Variants in GRIN1 observed in about 807,000 individuals in gnomAD.
GRIN1 encodes the protein glutamate receptor ionotropic, NMDA 1.
Under a neutral mutation model 103.0 loss-of-function variants are expected in GRIN1, and 38 were observed. The ratio of observed to expected loss-of-function variants is 0.37; its 90% confidence interval spans 0.28 to 0.48. The LOEUF (loss-of-function observed/expected upper bound fraction) is 0.48. Among genes scored for constraint, GRIN1 ranks in the 20% least tolerant of loss-of-function variants. The pLI, the probability that GRIN1 is intolerant of heterozygous loss-of-function variation, is 0.98. For synonymous variants in GRIN1, 544 were observed against 532.7 expected (o/e 1.02, Z -0.29); for missense variants, 577 against 1,288.9 (o/e 0.45, Z 8.46).
rs1057522916 is a variant in GRIN1, at chr9:137,149,068, G to A, written c.630G>A (p.Glu210=). The change falls in exon 4 of 20, where the codon GAG becomes GAA. Residue 210 remains glutamate (E), a synonymous_variant. Coordinates refer to ENST00000371561, the MANE Select transcript of GRIN1 (RefSeq NM_007327.4). ...AGAACGTGACGGCCCTGCTGATGGA[G>A]GCGAAAGAGCTGGAGGCCCGGGTCA... ...GTKNVTALLM[E]AKELEARVII... The A allele has an allele frequency of 8.1e-6, 13 of 1,613,454 alleles. No homozygotes were observed. The highest frequency in any genetic ancestry group is 1.1e-5 in the Non-Finnish European group (13 of 1,179,706).
At chr9:137,160,530 C>A (rs959347203) in intron 8 of GRIN1, among the ~76,000 whole-genome samples, 1 of 152,078 alleles carries the variant, frequency 6.6e-6, no homozygotes, top group African/African-American at 2.4e-5. Context: ...CCCGGGTTCA[C>A]GCCATTCTCC....
chr9:137,151,325 C>T, intron 4 of GRIN1, among the ~76,000 whole-genome samples: 1 of 145,126 alleles, frequency 6.9e-6, no homozygotes, highest in South Asian at 2.2e-4. Flanking sequence ...AAGCTCCGCC[C>T]AGGGAAAGCT....
At chr9:137,156,825 G>C (rs1833255201) in intron 5 of GRIN1, 35 bp downstream of exon 5, 1 of 1,605,342 alleles carries the variant, frequency 6.2e-7, no homozygotes, top group Admixed American at 1.7e-5. Context: ...CCCCGAACGG[G>C]GAGGACCCCA....
chr9:137,143,753 G>A (rs1054893681), intron 2 of GRIN1, among the ~76,000 whole-genome samples: 62 of 152,334 alleles, frequency 4.1e-4, no homozygotes, highest in African/African-American at 1.4e-3. Context: ...TGCACCCCAA[G>A]GCACTGCCCC....
In GRIN1 at chr9:137,160,024, T is replaced by C. The variant is rs938268117; in HGVS notation, c.1198-1032T>C. Among the ~76,000 whole-genome samples the C allele has an allele frequency of 3.3e-5, 5 of 152,334 alleles. No homozygotes were observed. In the East Asian group the frequency reaches 9.6e-4, roughly 29 times the overall value. On this transcript the variant is annotated intron_variant, in intron 8 of 19. Transcript: ENST00000371561. ...CCCTCACAGTTCTGGCAGTGTGCTA[T>C]GCTCTATTCCAGCCCCCTGTGCCCC...
chr9:137,165,328 G>A lies in GRIN1; in HGVS notation c.2700+32G>A, dbSNP rs370649549. ...GGGAGAGCACCCCAGTCCCGCGTCC[G>A]ACTCCACCTGCCCTGCCCTGCGTGT... On this transcript the variant is annotated intron_variant, in intron 19 of 19. Transcript: ENST00000371561. 4.0e-5 allele frequency: 52 copies of A among 1,306,180 alleles called. 2 individuals carry two copies. Among genetic ancestry groups the A allele is most frequent in the East Asian group, 4.6e-5 (2 of 43,532 alleles). The allele number at this position is 1,306,180 out of a possible 1,614,324, so 80.9% of individuals were successfully genotyped here.
intron 19 of GRIN1, among the ~76,000 whole-genome samples, chr9:137,167,056 C>G (rs1474706538): frequency 1.3e-5 from 2 of 152,174 alleles, no homozygotes; most frequent in Non-Finnish European, 2.9e-5. Context: ...CCAGCGGAAC[C>G]CTCACCCGAG....
In GRIN1 at chr9:137,150,866, G is replaced by A. The variant is rs557592294; in HGVS notation, c.671+1757G>A. On this transcript the variant is annotated intron_variant, in intron 4 of 19. Transcript: ENST00000371561. ...TCTGGCCAGATAAAAGCTCAGCCCA[G>A]GGAAAGCCCCGCCCATAAAAAAGCC... 7.1e-5 allele frequency among the ~76,000 whole-genome samples: 9 copies of A among 126,600 alleles called. No individual in the cohort carries two copies. In the South Asian group the frequency reaches 2.5e-3, roughly 35 times the overall value. The allele number at this position is 126,600 out of a possible 152,430, so 83.1% of individuals were successfully genotyped here.
In GRIN1 at chr9:137,156,676, G is replaced by A. The variant is rs869312865; in HGVS notation, c.679G>A (p.Asp227Asn). 6.2e-7 allele frequency: 1 copy of A among 1,600,506 alleles called. No individual in the cohort carries two copies. The highest frequency in any genetic ancestry group is 8.5e-7 in the Non-Finnish European group (1 of 1,174,946). ...RVIILSASED[D>N]AATVYRAAAM... ...TCCCCGTCTGCCCCACAGCGAGGAC[G>A]ATGCTGCCACTGTATACCGCGCAGC... The change falls in exon 5 of 20, where the codon GAT becomes AAT. Residue 227 changes from aspartate to asparagine, a missense_variant. Asp to Asn is a conservative substitution (Grantham distance 23). Around this residue, in one of 9 missense-constraint regions of GRIN1, gnomAD observed 308 missense variants for 553.6 expected, o/e 0.56. Coordinates refer to ENST00000371561, the MANE Select transcript of GRIN1 (RefSeq NM_007327.4).
chr9:137,156,781 G>T lies in GRIN1; in HGVS notation c.784G>T (p.Ala262Ser). 1 of 1,592,140 alleles carries T rather than the reference G, an allele frequency of 6.3e-7. No homozygotes were observed. Among genetic ancestry groups the T allele is most frequent in the Non-Finnish European group, 8.5e-7 (1 of 1,170,426 alleles). ...REISGNALRY[A>S]PDGILGLQLI... ...GATCTCGGGGAACGCCCTGCGCTAC[G>T]CCCCAGACGGTGAGTGCTGGGCCTT... The change falls in exon 5 of 20, where the codon GCC becomes TCC. Residue 262 changes from alanine (A) to serine (S), a missense_variant. Around this residue, in one of 9 missense-constraint regions of GRIN1, gnomAD observed 308 missense variants for 553.6 expected, o/e 0.56. Coordinates refer to ENST00000371561, the MANE Select transcript of GRIN1 (RefSeq NM_007327.4).
rs745950020 is a variant in GRIN1 at position 137,142,047 on chromosome 9, C to T, written c.293C>T (p.Pro98Leu). 6.2e-7 allele frequency: 1 copy of T among 1,614,168 alleles called. No homozygotes were observed. The highest frequency in any genetic ancestry group is 1.7e-5 in the Admixed American group (1 of 60,026). Residue 98 changes from proline to leucine, a missense_variant, in exon 2 of 20, where the codon CCC becomes CTC. Transcript: ENST00000371561. ...ATCCTAGTTAGCCATCCACCTACCC[C>T]CAACGACCACTTCACTCCCACCCCT... ...YAILVSHPPT[P>L]NDHFTPTPVS... is the part of the protein sequence containing the mutation.
At position 137,146,997 on chromosome 9, in the gene GRIN1, C is replaced by A. The variant is rs1358649030; in HGVS notation, c.570+1095C>A. ...CCCCACCCAAGACAGTGCCCCTCAC[C>A]CCAGTGCCCGACAGGCCCCTCCCCC... On this transcript the variant is annotated intron_variant, in intron 3 of 19. Coordinates refer to ENST00000371561, the MANE Select transcript of GRIN1 (RefSeq NM_007327.4). This position sits in a 1 kb window ranked among gnomAD's most constrained non-coding sequence, Gnocchi z 6.7. 1.3e-5 allele frequency among the ~76,000 whole-genome samples: 2 copies of A among 151,102 alleles called. No homozygotes were observed. Among genetic ancestry groups the A allele is most frequent in the African/African-American group, 2.4e-5 (1 of 41,110 alleles).
rs1832537537 is a variant in GRIN1, at chr9:137,146,439, C to T, written c.570+537C>T. Among the ~76,000 whole-genome samples, 1 of 152,136 alleles carries T rather than the reference C, an allele frequency of 6.6e-6. No individual in the cohort carries two copies. The highest frequency in any genetic ancestry group is 6.5e-5 in the Admixed American group (1 of 15,286). ...CTGTCCACAGACACCTGCCCCCCAG[C>T]CTGGACCGCCCCTGTGGGCTCCACT... On this transcript the variant is annotated intron_variant, in intron 3 of 19. Transcript: ENST00000371561. The surrounding 1 kb of genome is among the most constrained non-coding windows in gnomAD (Gnocchi z 6.7).
Position 137,168,206 on chromosome 9 carries a change from G to C in GRIN1, c.*679G>C, listed in dbSNP as rs989728065. On this transcript the variant is annotated 3_prime_UTR_variant, in exon 20 of 20. Coordinates refer to ENST00000371561, the MANE Select transcript of GRIN1 (RefSeq NM_007327.4). ...GCAGCACCAGCCTGAGCCACAGTGGGGCCCATGGCCCCAGCTGGCTGGGTC... is the reference window on the plus strand; with the variant it reads ...GCAGCACCAGCCTGAGCCACAGTGGCGCCCATGGCCCCAGCTGGCTGGGTC... 2 of 346,990 alleles carry C rather than the reference G, an allele frequency of 5.8e-6. No homozygotes were observed. The highest frequency in any genetic ancestry group is 4.5e-5 in the African/African-American group (2 of 44,796). The allele number at this position is 346,990 out of a possible 1,614,324, so 21.5% of individuals were successfully genotyped here. A position where few individuals can be genotyped will look rare whatever the true frequency, so the allele number is the denominator to read the frequency against.
At position 137,142,103 on chromosome 9, in the gene GRIN1, C is replaced by T; in HGVS notation, c.349C>T (p.Pro117Ser). 6.2e-7 allele frequency: 1 copy of T among 1,614,230 alleles called. No individual in the cohort carries two copies. Among genetic ancestry groups the T allele is most frequent in the Non-Finnish European group, 8.5e-7 (1 of 1,180,024 alleles). ...VSYTAGFYRIPVLGLTTRMSI... is the reference protein window; with the variant it reads ...VSYTAGFYRISVLGLTTRMSI... ...CTACACAGCCGGCTTCTACCGCATA[C>T]CCGTGCTGGGGCTGACCACCCGCAT... is the stretch of plus-strand genomic sequence containing the variant. Residue 117 changes from proline (P) to serine (S), a missense_variant, in exon 2 of 20, where the codon CCC (proline) becomes TCC (serine). Coordinates refer to ENST00000371561, the MANE Select transcript of GRIN1 (RefSeq NM_007327.4).
Position 137,162,261 on chromosome 9 carries a change from C to G in GRIN1, c.1722C>G (p.Ala574=). The G allele has an allele frequency of 1.3e-6, 2 of 1,546,110 alleles. No individual in the cohort carries two copies. The highest frequency in any genetic ancestry group is 8.7e-7 in the Non-Finnish European group (1 of 1,150,622). The change falls in exon 12 of 20, where the codon GCC becomes GCG. Residue 574 remains alanine (A), a synonymous_variant. Coordinates refer to ENST00000371561, the MANE Select transcript of GRIN1 (RefSeq NM_007327.4). ...TGGGGCTGTCGGTGCACGTGGTGGC[C>G]GTGATGCTGTACCTGCTGGACCGCT... ...LLVGLSVHVV[A]VMLYLLDRFS...
chr9:137,140,551 C>G (rs192839656), intron 1 of GRIN1, among the ~76,000 whole-genome samples: 3,750 of 152,348 alleles, frequency 0.025, 77 homozygotes, highest in Middle Eastern at 0.041. Flanking sequence ...CTCAGCATCA[C>G]ACAATCAATT....
rs1011185968 is a variant in GRIN1, at chr9:137,146,854, C to T, written c.570+952C>T. Among the ~76,000 whole-genome samples the T allele has an allele frequency of 5.9e-5, 9 of 152,190 alleles. No individual in the cohort carries two copies. Among genetic ancestry groups the T allele is most frequent in the East Asian group, 3.9e-4 (2 of 5,182 alleles). On this transcript the variant is annotated intron_variant, in intron 3 of 19. Coordinates refer to ENST00000371561, the MANE Select transcript of GRIN1 (RefSeq NM_007327.4). The surrounding 1 kb of genome is among the most constrained non-coding windows in gnomAD (Gnocchi z 6.7). Reference sequence around the variant, plus strand: ...GCACCCCCCAAGGCACCCCAGGCCCCGGGAGGGACCAGAGGGCATGGGTCG... The same window carrying T: ...GCACCCCCCAAGGCACCCCAGGCCCTGGGAGGGACCAGAGGGCATGGGTCG...
chr9:137,167,676 G>A lies in GRIN1; in HGVS notation c.*149G>A, dbSNP rs1833955270. The A allele has an allele frequency of 1.4e-5, 21 of 1,546,128 alleles. No homozygotes were observed. Among genetic ancestry groups the A allele is most frequent in the Non-Finnish European group, 1.7e-5 (19 of 1,147,540 alleles). ...TCCCCCAGGCTGCGCCTGCCCGCCC[G>A]CCGGTTGGCCGGCTGGCCGGTCCAC... On this transcript the variant is annotated 3_prime_UTR_variant, in exon 20 of 20. Transcript: ENST00000371561.
Sources: allele counts gnomAD v4.1 joint callset (sites outside exome capture counted in the v4.1 genomes callset), GRCh38; gene constraint gnomAD v4.1.1; regional missense constraint gnomAD v4.1.1; non-coding constraint Gnocchi (gnomAD v3.1); transcripts MANE v1.5; gene names NCBI Gene and HGNC (gene_info 2026-07-23, HGNC 2026-07-21).